Variants in SPIDR observed in about 807,000 individuals in gnomAD.
SPIDR encodes DNA repair-scaffolding protein.
SPIDR carries 93 observed loss-of-function variants against 104.6 expected under a neutral mutation model. The observed-to-expected ratio is 0.89, with a 90% confidence interval of 0.75 to 1.06. SPIDR has a LOEUF of 1.06. Ranked by LOEUF, SPIDR falls within the 50% of genes least tolerant of loss-of-function variation. The pLI is 0.00. For synonymous variants in SPIDR, 431 were observed against 416.9 expected (o/e 1.03, Z -0.41); for missense variants, 1,154 against 1,111.2 (o/e 1.04, Z -0.55).
intron 7 of SPIDR, among the ~76,000 whole-genome samples, chr8:47,410,118 A>T (rs1456555988): frequency 6.6e-6 from 1 of 152,066 alleles, no homozygotes; most frequent in African/African-American, 2.4e-5. Context: ...TATGAAATAC[A>T]TATATATGTA....
At chr8:47,334,275 A>G (rs1480373403) in intron 5 of SPIDR, among the ~76,000 whole-genome samples, 1 of 152,200 alleles carries the variant, frequency 6.6e-6, no homozygotes, top group African/African-American at 2.4e-5. Context: ...ATAAATGTCA[A>G]TTATATCCAG....
intron 8 of SPIDR, among the ~76,000 whole-genome samples, chr8:47,550,245 G>T (rs1281909186): frequency 2.6e-5 from 4 of 152,136 alleles, no homozygotes; most frequent in African/African-American, 9.7e-5. Context: ...TCTTTGCTAT[G>T]CAGGCTCCTT....
chr8:47,405,045 C>A (rs1441662363), intron 6 of SPIDR, among the ~76,000 whole-genome samples: 1 of 152,036 alleles, frequency 6.6e-6, no homozygotes, highest in Non-Finnish European at 1.5e-5. Context: ...GAGTTCATGT[C>A]CTTTGTTAGG....
intron 10 of SPIDR, among the ~76,000 whole-genome samples, chr8:47,665,325 C>T (rs991658470): frequency 2.0e-5 from 3 of 152,208 alleles, no homozygotes; most frequent in Admixed American, 6.5e-5. Flanking sequence ...ATTACTTACA[C>T]CATACTTTCC....
At chr8:47,510,415 T>G (rs887183308) in intron 8 of SPIDR, among the ~76,000 whole-genome samples, 1 of 152,236 alleles carries the variant, frequency 6.6e-6, no homozygotes, top group East Asian at 1.9e-4. Flanking sequence ...TGTCCATGCC[T>G]GCAAGTTTAT....
chr8:47,397,621 C>T (rs1554659355), intron 6 of SPIDR, among the ~76,000 whole-genome samples: 1 of 152,052 alleles, frequency 6.6e-6, no homozygotes, highest in African/African-American at 2.4e-5. Flanking sequence ...TCATGAAGAG[C>T]GTAGGTGTTG....
At chr8:47,545,342 T>C (rs1220144652) in intron 8 of SPIDR, among the ~76,000 whole-genome samples, 2 of 152,098 alleles carry the variant, frequency 1.3e-5, no homozygotes, top group East Asian at 3.8e-4. Flanking sequence ...GTGCTAGGAT[T>C]ACAGGTGTGA....
chr8:47,560,184 G>C (rs2056884592), intron 8 of SPIDR, among the ~76,000 whole-genome samples: 1 of 152,150 alleles, frequency 6.6e-6, no homozygotes, highest in African/African-American at 2.4e-5. Flanking sequence ...CTTGGCATTT[G>C]CCCAGCTCTT....
chr8:47,720,899 A>G (rs535609630), intron 16 of SPIDR, among the ~76,000 whole-genome samples: 1 of 152,120 alleles, frequency 6.6e-6, no homozygotes, highest in South Asian at 2.1e-4. Context: ...CTGGGATTAC[A>G]GGCGCCTGCC....
chr8:47,603,184 G>T (rs1328971973), intron 10 of SPIDR, among the ~76,000 whole-genome samples: 1 of 150,358 alleles, frequency 6.7e-6, no homozygotes, highest in Non-Finnish European at 1.5e-5. Context: ...AGGGAGCACT[G>T]GCCTTCGAGG....
At chr8:47,368,384 A>AAAAAAG (rs1563760498) in intron 5 of SPIDR, among the ~76,000 whole-genome samples, 1 of 124,064 alleles carries the variant, frequency 8.1e-6, no homozygotes, top group African/African-American at 3.1e-5. Context: ...AAAAAAAAAA[A>AAAAAAG]GGATTTTGCT....
chr8:47,537,946 G>A (rs1478888561), intron 8 of SPIDR, among the ~76,000 whole-genome samples: 1 of 152,154 alleles, frequency 6.6e-6, no homozygotes, highest in Admixed American at 6.5e-5. Context: ...GGAGGCTGAG[G>A]CGGGCGGATC....
chr8:47,554,811 CCTGTCTT>C (rs766109322), intron 8 of SPIDR, among the ~76,000 whole-genome samples: 5 of 152,206 alleles, frequency 3.3e-5, no homozygotes, highest in African/African-American at 7.2e-5. Context: ...GCAGAAATCA[CCTGTCTT>C]CTGCGTCATT....
rs570382139 is a variant in SPIDR, at chr8:47,520,301, GC to G, written c.1098-75506del. 1.3e-3 allele frequency among the ~76,000 whole-genome samples: 202 copies of G among 152,270 alleles called. 2 individuals are homozygous for G. Among genetic ancestry groups the G allele is most frequent in the African/African-American group, 4.6e-3 (192 of 41,546 alleles). ...TTAATGATCAGTTGAACGTGTGTAAGCCCCATAGATGAGAGGGACCTGTTCC... is the reference window on the plus strand; with the variant it reads ...TTAATGATCAGTTGAACGTGTGTAAGCCCATAGATGAGAGGGACCTGTTCC... On this transcript the variant is annotated intron_variant, in intron 8 of 19. Transcript: ENST00000297423.
rs1256051674 is a variant in SPIDR at position 47,727,309 on chromosome 8, C to T, written c.2435+16C>T. 6.2e-7 allele frequency: 1 copy of T among 1,612,372 alleles called. No homozygotes were observed. Among genetic ancestry groups the T allele is most frequent in the Admixed American group, 1.7e-5 (1 of 59,930 alleles). On this transcript the variant is annotated intron_variant, in intron 17 of 19. Transcript: ENST00000297423. ...CGGAAGACAGGTAAGGGGACAGGAG[C>T]TGTCCTGAAAGCCCTAGAACTGAAA... is the stretch of plus-strand genomic sequence containing the variant.
chr8:47,721,518 C>A (rs982123215), intron 16 of SPIDR, among the ~76,000 whole-genome samples: 1 of 151,864 alleles, frequency 6.6e-6, no homozygotes, highest in African/African-American at 2.4e-5. Flanking sequence ...GTTACCCAGG[C>A]TGGAGTGCAG....
rs951593966 is a variant in SPIDR at position 47,607,240 on chromosome 8, C to A, written c.1544+8044C>A. Among the ~76,000 whole-genome samples the A allele has an allele frequency of 9.2e-4, 140 of 152,136 alleles. 7 individuals carry two copies. The highest frequency in any genetic ancestry group is 7.4e-5 in the Non-Finnish European group (5 of 68,022). The stretch of plus-strand genomic sequence containing the variant: ...TTTTTGCATGTCCTTGTAATTGATG[C>A]CATAGCCCATGCCTTAGGTTTGTTC... On this transcript the variant is annotated intron_variant, in intron 10 of 19. Transcript: ENST00000297423.
intron 6 of SPIDR, among the ~76,000 whole-genome samples, chr8:47,406,059 T>G (rs1396434731): frequency 6.6e-6 from 1 of 152,086 alleles, no homozygotes; most frequent in Non-Finnish European, 1.5e-5. Flanking sequence ...GGCTTGACTT[T>G]AACCAGATAG....
chr8:47,660,521 C>G (rs1164450588), intron 10 of SPIDR: 1 of 985,268 alleles, frequency 1.0e-6, no homozygotes, highest in South Asian at 4.7e-5. Context: ...ACAGGTGATT[C>G]TGCTGCTACC....
Sources: allele counts gnomAD v4.1 joint callset (sites outside exome capture counted in the v4.1 genomes callset), GRCh38; gene constraint gnomAD v4.1.1; transcripts MANE v1.5; gene names NCBI Gene and HGNC (gene_info 2026-07-23, HGNC 2026-07-21).